Variants in PHIP observed in about 807,000 individuals in gnomAD.
PHIP encodes the protein PHIP subunit of CUL4-Ring ligase complex.
A neutral mutation model predicts 236.8 loss-of-function variants in PHIP; 54 were observed. That is an observed-to-expected ratio of 0.23 (90% CI 0.18 to 0.29). The LOEUF (loss-of-function observed/expected upper bound fraction) is 0.29, where lower values mean the gene tolerates loss of function less well. PHIP is among the 10% of genes least tolerant of loss of function. The pLI, the probability that PHIP is intolerant of heterozygous loss-of-function variation, is 1.00. For missense variants in PHIP, 1,370 were observed against 2,190.8 expected (o/e 0.63, Z 7.48); for synonymous variants, 756 against 718.9 (o/e 1.05, Z -0.83).
At chr6:78,983,969 T>C (rs1209948446) in intron 22 of PHIP, among the ~76,000 whole-genome samples, 2 of 152,196 alleles carry the variant, frequency 1.3e-5, no homozygotes, top group Non-Finnish European at 2.9e-5. Context: ...TACAATTTTA[T>C]GAACATAAAT....
At chr6:79,014,958 TG>T in intron 15 of PHIP, 123 bp downstream of exon 15, 1 of 664,000 alleles carries the variant, frequency 1.5e-6, no homozygotes, top group Non-Finnish European at 2.5e-6. Flanking sequence ...TCTTTATTGA[TG>T]GGAATTTAAA....
At chr6:78,991,676 T>C (rs1769257883) in intron 19 of PHIP, among the ~76,000 whole-genome samples, 1 of 152,124 alleles carries the variant, frequency 6.6e-6, no homozygotes, top group Non-Finnish European at 1.5e-5. Flanking sequence ...TAGTTAATAC[T>C]AAAACACAGT....
intron 6 of PHIP, 47 bp from the exon 7 acceptor site, chr6:79,043,050 T>C: frequency 1.3e-5 from 19 of 1,462,410 alleles, no homozygotes; most frequent in Non-Finnish European, 1.8e-5. Context: ...AAATTAATTT[T>C]CTTACATGAT....
intron 32 of PHIP, chr6:78,957,876 G>A (rs1039671287): frequency 6.6e-6 from 1 of 151,986 alleles, no homozygotes; most frequent in African/African-American, 2.4e-5. Flanking sequence ...TGGGATCAAT[G>A]AGGAAGTAAA....
intron 4 of PHIP, among the ~76,000 whole-genome samples, chr6:79,064,736 T>A (rs981592753): frequency 6.6e-6 from 1 of 152,196 alleles, no homozygotes; most frequent in African/African-American, 2.4e-5. Context: ...TGAAGTTCCT[T>A]AAGATCCTAG....
At chr6:79,071,619 T>C (rs1291770210) in intron 4 of PHIP, among the ~76,000 whole-genome samples, 2 of 152,162 alleles carry the variant, frequency 1.3e-5, no homozygotes, top group African/African-American at 4.8e-5. Context: ...TGCATTAAAA[T>C]AGGAAGTTAT....
chr6:79,013,019 A>T (rs1286813807), intron 15 of PHIP, among the ~76,000 whole-genome samples: 2 of 151,776 alleles, frequency 1.3e-5, no homozygotes, highest in Non-Finnish European at 3.0e-5. Context: ...AAAGCTCAAA[A>T]AGCCAACCAT....
At chr6:79,077,308 C>T (rs1394245157) in intron 4 of PHIP, 140 bp downstream of exon 4, 40 of 811,096 alleles carry the variant, frequency 4.9e-5, no homozygotes, top group Middle Eastern at 2.5e-4. Flanking sequence ...GACCCCGCGC[C>T]GGCCTCCCAA....
intron 9 of PHIP, among the ~76,000 whole-genome samples, chr6:79,020,328 A>G (rs1370899035): frequency 6.6e-6 from 1 of 152,210 alleles, no homozygotes. Context: ...ATAGTTTTAC[A>G]TTAGTATTTA....
At position 78,945,353 on chromosome 6, in the gene PHIP, G is replaced by A. The variant is rs1329890435; in HGVS notation, c.4775C>T (p.Ser1592Phe). Reference sequence around the variant, plus strand: ...AAGAGTGGACGCCTTTGGGAGTACAGATGACTTCATTTTACGTTTGACTGG... The same window carrying A: ...AAGAGTGGACGCCTTTGGGAGTACAAATGACTTCATTTTACGTTTGACTGG... The part of the protein sequence containing the change: ...EKPVKRKMKS[S>F]VLPKASTLSK... Residue 1592 changes from serine to phenylalanine, a missense_variant, in exon 39 of 40, where the codon TCT becomes TTT. Ser to Phe is a radical substitution (Grantham distance 155). Coordinates refer to ENST00000275034, the MANE Select transcript of PHIP (RefSeq NM_017934.7). The A allele has an allele frequency of 6.2e-7, 1 of 1,613,630 alleles. No homozygotes were observed. The highest frequency in any genetic ancestry group is 1.3e-5 in the African/African-American group (1 of 74,912).
At chr6:79,068,237 T>G (rs1773721385) in intron 4 of PHIP, 1 of 152,244 alleles carries the variant, frequency 6.6e-6, no homozygotes, top group Non-Finnish European at 1.5e-5. Context: ...CTGAGGCTGA[T>G]GGATCACTTG....
intron 7 of PHIP, among the ~76,000 whole-genome samples, chr6:79,042,086 A>G (rs2127759891): frequency 6.6e-6 from 1 of 152,198 alleles, no homozygotes; most frequent in African/African-American, 2.4e-5. Context: ...GAATGAATGC[A>G]TACCTTCAGC....
intron 15 of PHIP, among the ~76,000 whole-genome samples, chr6:79,005,198 A>G (rs537143771): frequency 3.3e-5 from 5 of 152,200 alleles, no homozygotes; most frequent in East Asian, 1.9e-4. Flanking sequence ...GAAATGAATC[A>G]TAAGTGAAAC....
At chr6:79,037,545 C>T (rs1481390265) in intron 7 of PHIP, among the ~76,000 whole-genome samples, 2 of 152,120 alleles carry the variant, frequency 1.3e-5, no homozygotes, top group African/African-American at 2.4e-5. Context: ...AGATCTTCTA[C>T]TGGTCTTTAT....
chr6:78,958,306 G>T, intron 32 of PHIP, 169 bp downstream of exon 32: 1 of 451,514 alleles, frequency 2.2e-6, no homozygotes, highest in Non-Finnish European at 3.9e-6. Context: ...TGAAACCCAG[G>T]ATCAAACCAG....
intron 6 of PHIP, among the ~76,000 whole-genome samples, chr6:79,060,134 A>T (rs1773300043): frequency 6.6e-6 from 1 of 152,076 alleles, no homozygotes; most frequent in Non-Finnish European, 1.5e-5. Flanking sequence ...CTGTGCTCTT[A>T]AAAAGATAAC....
intron 7 of PHIP, among the ~76,000 whole-genome samples, chr6:79,039,064 T>G (rs1023239270): frequency 6.6e-6 from 1 of 152,214 alleles, no homozygotes; most frequent in Non-Finnish European, 1.5e-5. Context: ...CAGAAACTTT[T>G]TGCCAATTTC....
rs893772229 is a variant in PHIP, at chr6:78,935,783, G to A, written c.*4910C>T. 6 of 981,828 alleles carry A rather than the reference G, an allele frequency of 6.1e-6. No individual in the cohort carries two copies. The highest frequency in any genetic ancestry group is 6.2e-5 in the Admixed American group (1 of 16,244). The allele number at this position is 981,828 out of a possible 1,614,324, so 60.8% of individuals were successfully genotyped here. A position where few individuals can be genotyped will look rare whatever the true frequency, so the allele number is the denominator to read the frequency against. ...TGCCATATGACCACTTTGGTAAGCA[G>A]CTTGTTGAGATTATGTACTAAGTGC... On this transcript the variant is annotated 3_prime_UTR_variant, in exon 40 of 40. Transcript: ENST00000275034.
intron 24 of PHIP, among the ~76,000 whole-genome samples, chr6:78,975,536 G>T (rs1767989342): frequency 2.0e-5 from 3 of 152,004 alleles, no homozygotes; most frequent in Admixed American, 1.3e-4. Flanking sequence ...CAATTAGGCA[G>T]GAGAAGGAAA....
Sources: allele counts gnomAD v4.1 joint callset (sites outside exome capture counted in the v4.1 genomes callset), GRCh38; gene constraint gnomAD v4.1.1; transcripts MANE v1.5; gene names NCBI Gene and HGNC (gene_info 2026-07-23, HGNC 2026-07-21).